Variants in DCDC2 observed in about 807,000 individuals in gnomAD.
DCDC2 encodes the protein doublecortin domain-containing protein 2.
A neutral mutation model predicts 50.2 loss-of-function variants in DCDC2; 40 were observed. That is an observed-to-expected ratio of 0.80 (90% confidence interval 0.62 to 1.04). DCDC2 has a LOEUF of 1.04. DCDC2 is among the 50% of genes least tolerant of loss of function. The pLI is 0.00. For missense variants in DCDC2, 570 were observed against 581.9 expected, an observed-to-expected ratio of 0.98 and a Z score of 0.21; for synonymous variants, 234 against 210.6, an observed-to-expected ratio of 1.11 and a Z score of -0.96.
chr6:24,245,116 C>T (rs1271831673), intron 7 of DCDC2, among the ~76,000 whole-genome samples: 1 of 152,122 alleles, frequency 6.6e-6, no homozygotes, highest in Non-Finnish European at 1.5e-5. Flanking sequence ...ATCACTTGAA[C>T]CCGGGAGATA....
chr6:24,358,840 T>C (rs1226713730), upstream of DCDC2, among the ~76,000 whole-genome samples: 1 of 49,118 alleles, frequency 2.0e-5, no homozygotes, highest in Non-Finnish European at 3.4e-5. Context: ...TTTATATATA[T>C]ATTTATATAT....
In DCDC2 at chr6:24,326,555, T is replaced by C. The variant is rs568436752; in HGVS notation, c.349-24511A>G. 1.9e-4 allele frequency among the ~76,000 whole-genome samples: 28 copies of C among 149,210 alleles called. 1 individual carries two copies. Among genetic ancestry groups the C allele is most frequent in the African/African-American group, 6.8e-4 (28 of 41,352 alleles). On this transcript the variant is annotated intron_variant, in intron 2 of 9. Transcript: ENST00000378454. ...GAAGAAAAAAACACCATCATTTGTA[T>C]CAATAAAAAGCATGTATGATGAGCG...
In DCDC2 at chr6:24,205,054, G is replaced by A; in HGVS notation, c.971C>T (p.Ala324Val). The change falls in exon 8 of 10, where the codon GCA becomes GTA. Residue 324 changes from alanine to valine, a missense_variant. Coordinates refer to ENST00000378454, the MANE Select transcript of DCDC2 (RefSeq NM_016356.5). ...ATCTTCATCTTCTTGGACTTCTGCTGCCCCCCGTGTTTCAGACCTCTCTGC... is the reference window on the plus strand; with the variant it reads ...ATCTTCATCTTCTTGGACTTCTGCTACCCCCCGTGTTTCAGACCTCTCTGC... ...AGAERSETRGAAEVQEDEDTQ... is the reference protein window; with the variant it reads ...AGAERSETRGVAEVQEDEDTQ... The A allele has an allele frequency of 6.2e-7, 1 of 1,614,038 alleles. No individual in the cohort carries two copies. The highest frequency in any genetic ancestry group is 1.7e-5 in the Admixed American group (1 of 60,006).
At position 24,353,613 on chromosome 6, in the gene DCDC2, T is replaced by C; in HGVS notation, c.304A>G (p.Ile102Val). ...EAFKKLNYLD[I>V]GEIKKRPMEV... ...ATTGGTCTTTTCTTGATTTCTCCTA[T>C]GTCCAAGTAACTGAGGAAAAAACAA... Residue 102 changes from isoleucine (I) to valine (V), a missense_variant, in exon 2 of 10, where the codon ATA becomes GTA. Ile to Val is a conservative substitution (Grantham distance 29). Transcript: ENST00000378454. The C allele has an allele frequency of 1.3e-6, 2 of 1,589,554 alleles. No homozygotes were observed. The highest frequency in any genetic ancestry group is 8.6e-7 in the Non-Finnish European group (1 of 1,166,770).
intron 6 of DCDC2, among the ~76,000 whole-genome samples, chr6:24,285,405 A>G (rs1480036329): frequency 6.6e-6 from 1 of 152,086 alleles, no homozygotes; most frequent in African/African-American, 2.4e-5. Flanking sequence ...ATTGTCTTTC[A>G]TATTACTGTG....
At chr6:24,306,541 GA>G (rs1156624578) in intron 2 of DCDC2, among the ~76,000 whole-genome samples, 7 of 128,394 alleles carry the variant, frequency 5.5e-5, no homozygotes, top group African/African-American at 2.4e-4. Context: ...TAGATAGATA[GA>G]TAGACAGACA....
At chr6:24,274,922 A>C (rs1370883692) in intron 7 of DCDC2, among the ~76,000 whole-genome samples, 4 of 152,092 alleles carry the variant, frequency 2.6e-5, no homozygotes, top group African/African-American at 7.2e-5. Flanking sequence ...ATTCACCCTA[A>C]CCCTAAAATT....
chr6:24,289,717 AC>A (rs1218829435), intron 5 of DCDC2, among the ~76,000 whole-genome samples: 3 of 152,128 alleles, frequency 2.0e-5, no homozygotes, highest in African/African-American at 7.2e-5. Flanking sequence ...TAGTTCAAAC[AC>A]CACCCCTGAA....
intron 2 of DCDC2, among the ~76,000 whole-genome samples, chr6:24,317,343 T>C (rs1475775875): frequency 6.6e-6 from 1 of 151,984 alleles, no homozygotes; most frequent in Non-Finnish European, 1.5e-5. Context: ...AGGAAGTACA[T>C]ATGGAAATTT....
At chr6:24,320,391 G>T (rs1759750433) in intron 2 of DCDC2, among the ~76,000 whole-genome samples, 1 of 152,150 alleles carries the variant, frequency 6.6e-6, no homozygotes, top group Non-Finnish European at 1.5e-5. Context: ...GAATGCAGTG[G>T]TACAATCTTG....
the DCDC2 span, among the ~76,000 whole-genome samples, chr6:24,374,286 A>G: frequency 4.4e-4 from 67 of 151,964 alleles, no homozygotes; most frequent in Middle Eastern, 3.4e-3. Context: ...TTGGAAAGGT[A>G]GCCAGGAGAG....
At chr6:24,332,126 G>A (rs1759975909) in intron 2 of DCDC2, among the ~76,000 whole-genome samples, 1 of 152,106 alleles carries the variant, frequency 6.6e-6, no homozygotes, top group South Asian at 2.1e-4. Flanking sequence ...TCCCAGTGTG[G>A]GAGACTGTAT....
At chr6:24,209,967 T>G (rs1300463329) in intron 7 of DCDC2, among the ~76,000 whole-genome samples, 2 of 151,982 alleles carry the variant, frequency 1.3e-5, no homozygotes, top group Non-Finnish European at 2.9e-5. Flanking sequence ...ATTACAATAT[T>G]TATTATCTCA....
At chr6:24,355,208 C>G (rs1760443744) in intron 1 of DCDC2, among the ~76,000 whole-genome samples, 1 of 151,810 alleles carries the variant, frequency 6.6e-6, no homozygotes, top group Non-Finnish European at 1.5e-5. Flanking sequence ...GAACTGAAAG[C>G]AAAAATAACA....
At chr6:24,177,215 T>C (rs189962700) in intron 9 of DCDC2, among the ~76,000 whole-genome samples, 313 of 152,322 alleles carry the variant, frequency 2.1e-3, no homozygotes, top group Non-Finnish European at 3.8e-3. Flanking sequence ...GAATTTCTTA[T>C]AGAATAGGAC....
intron 7 of DCDC2, among the ~76,000 whole-genome samples, chr6:24,273,738 A>G (rs185173730): frequency 2.0e-5 from 3 of 152,364 alleles, no homozygotes; most frequent in African/African-American, 7.2e-5. Flanking sequence ...TCAATGCCTC[A>G]TAACTCTGAG....
intron 8 of DCDC2, among the ~76,000 whole-genome samples, chr6:24,190,180 G>A (rs368768302): frequency 3.9e-5 from 6 of 152,056 alleles, no homozygotes; most frequent in African/African-American, 1.4e-4. Flanking sequence ...GAGTGAAGCT[G>A]TGGCCAGTCA....
rs559830940 is a variant in DCDC2 at position 24,357,918 on chromosome 6, C to T, written c.-168G>A. On this transcript the variant is annotated 5_prime_UTR_variant, in exon 1 of 10. Coordinates refer to ENST00000378454, the MANE Select transcript of DCDC2 (RefSeq NM_016356.5). ...AACGGCCGTGCGCCTAGGCGTCCAC[C>T]CAGAGGAGACACTAGGAGCTTGCAG... is the stretch of plus-strand genomic sequence containing the variant. The T allele has an allele frequency of 3.3e-6, 5 of 1,525,062 alleles. No individual in the cohort carries two copies. In the East Asian group the frequency reaches 1.1e-4, roughly 35 times the overall value. The allele number at this position is 1,525,062 out of a possible 1,614,324, so 94.5% of individuals were successfully genotyped here.
At chr6:24,283,606 G>C (rs572834333) in intron 6 of DCDC2, among the ~76,000 whole-genome samples, 3 of 152,166 alleles carry the variant, frequency 2.0e-5, no homozygotes, top group Admixed American at 2.0e-4. Flanking sequence ...TTTTGCAGTG[G>C]TTCCTACAGC....
Sources: allele counts gnomAD v4.1 joint callset (sites outside exome capture counted in the v4.1 genomes callset), GRCh38; gene constraint gnomAD v4.1.1; transcripts MANE v1.5; gene names NCBI Gene and HGNC (gene_info 2026-07-23, HGNC 2026-07-21).